Variants in ARSJ observed in about 807,000 individuals in gnomAD.
The protein encoded by ARSJ is arylsulfatase J.
ARSJ carries 26 observed loss-of-function variants against 35.9 expected under a neutral mutation model. The ratio of observed to expected loss-of-function variants is 0.72; its 90% CI spans 0.53 to 1.00. The LOEUF (loss-of-function observed/expected upper bound fraction) is 1.00. Among genes scored for constraint, ARSJ ranks in the 50% least tolerant of loss-of-function variants. ARSJ has a pLI of 0.00. For missense variants in ARSJ, 667 were observed against 723.6 expected (o/e 0.92, Z 0.90); for synonymous variants, 294 against 267.6 (o/e 1.10, Z -0.96).
chr4:113,902,472 C>A lies in ARSJ; in HGVS notation c.1602G>T (p.Arg534Ser), dbSNP rs780660276. 1 of 1,614,110 alleles carries A rather than the reference C, an allele frequency of 6.2e-7. No homozygotes were observed. The change falls in exon 2 of 2, where the codon AGG (arginine) becomes AGT (serine). Residue 534 changes from arginine (R) to serine (S), a missense_variant. Transcript: ENST00000315366. ...TACTTCTGGGGTCTTTGGGGGGATA[C>A]CTGACCGGCACTGCAGTTTTGTTGA... ...SQFNKTAVPV[R>S]YPPKDPRSNP...
intron 1 of ARSJ, among the ~76,000 whole-genome samples, chr4:113,929,769 A>C (rs1464857986): frequency 1.3e-5 from 2 of 152,076 alleles, no homozygotes; most frequent in African/African-American, 4.8e-5. Context: ...ATGGGACAGA[A>C]TCTCTTAGTT....
intron 1 of ARSJ, among the ~76,000 whole-genome samples, chr4:113,956,602 T>G (rs1216040524): frequency 3.9e-5 from 6 of 152,116 alleles, no homozygotes; most frequent in African/African-American, 1.4e-4. Context: ...GAAACTTGTC[T>G]GCAGGAATAA....
chr4:113,961,128 T>G (rs1460632939), intron 1 of ARSJ, among the ~76,000 whole-genome samples: 3 of 151,916 alleles, frequency 2.0e-5, no homozygotes, highest in Admixed American at 1.3e-4. Flanking sequence ...GCAGACACCA[T>G]GGAGAAGTGA....
In ARSJ at chr4:113,902,039, G is replaced by T; in HGVS notation, c.*235C>A. On this transcript the variant is annotated 3_prime_UTR_variant, in exon 2 of 2. Transcript: ENST00000315366. ...CACCACGTTTTCTAAAGGAGCAAGA[G>T]AAATAAACATCTCCACTCTCTCTAA... 3 of 1,319,150 alleles carry T rather than the reference G, an allele frequency of 2.3e-6. No individual in the cohort carries two copies. The highest frequency in any genetic ancestry group is 4.8e-5 in the Admixed American group (2 of 41,630). The allele number at this position is 1,319,150 out of a possible 1,614,324, so 81.7% of individuals were successfully genotyped here.
At chr4:113,910,979 T>C (rs752569591) in intron 1 of ARSJ, among the ~76,000 whole-genome samples, 3 of 152,122 alleles carry the variant, frequency 2.0e-5, no homozygotes, top group Admixed American at 6.6e-5. Flanking sequence ...TTCAGTGCAT[T>C]CAGGAGTATC....
At chr4:113,919,747 T>A (rs72893468) in intron 1 of ARSJ, among the ~76,000 whole-genome samples, 2,254 of 152,122 alleles carry the variant, frequency 0.015, 64 homozygotes, top group South Asian at 0.061. Flanking sequence ...TTTAGAAAAA[T>A]TAGTAATGCC....
intron 1 of ARSJ, among the ~76,000 whole-genome samples, chr4:113,954,187 G>T (rs1726031145): frequency 6.6e-6 from 1 of 151,942 alleles, no homozygotes; most frequent in African/African-American, 2.4e-5. Flanking sequence ...ATCTCAATGT[G>T]TTTAAACCTA....
chr4:113,971,611 C>T (rs1727254266), intron 1 of ARSJ, among the ~76,000 whole-genome samples: 1 of 152,186 alleles, frequency 6.6e-6, no homozygotes, highest in East Asian at 1.9e-4. Context: ...GTCAAAGCCA[C>T]CCTCTCCACT....
At chr4:113,974,766 C>T (rs1032787712) in intron 1 of ARSJ, among the ~76,000 whole-genome samples, 1 of 152,146 alleles carries the variant, frequency 6.6e-6, no homozygotes, top group Admixed American at 6.5e-5. Context: ...TGAGCAGTAT[C>T]TACCAAAACT....
chr4:113,919,198 T>A (rs1476982681), intron 1 of ARSJ, among the ~76,000 whole-genome samples: 1 of 152,144 alleles, frequency 6.6e-6, no homozygotes, highest in African/African-American at 2.4e-5. Context: ...GACCAAGGGC[T>A]CAGTTGCAGA....
At chr4:113,960,124 G>T (rs1726454078) in intron 1 of ARSJ, among the ~76,000 whole-genome samples, 1 of 151,950 alleles carries the variant, frequency 6.6e-6, no homozygotes, top group African/African-American at 2.4e-5. Flanking sequence ...ATGAGACATG[G>T]ATAAAATACA....
At chr4:113,976,829 A>G (rs1207058055) in intron 1 of ARSJ, among the ~76,000 whole-genome samples, 2 of 152,238 alleles carry the variant, frequency 1.3e-5, no homozygotes, top group Non-Finnish European at 2.9e-5. Context: ...ACCAAAGAGA[A>G]AAATTAGGAA....
At chr4:113,930,831 A>G (rs1169346240) in intron 1 of ARSJ, among the ~76,000 whole-genome samples, 2 of 150,582 alleles carry the variant, frequency 1.3e-5, no homozygotes, top group African/African-American at 4.9e-5. Flanking sequence ...TACACCATGG[A>G]ATACTATGCA....
At chr4:113,905,297 T>A (rs1178307062) in intron 1 of ARSJ, among the ~76,000 whole-genome samples, 4 of 152,166 alleles carry the variant, frequency 2.6e-5, no homozygotes, top group Non-Finnish European at 4.4e-5. Context: ...ACAAAAAAAA[T>A]ATTGAGGTCA....
At chr4:113,943,001 A>C (rs1725251715) in intron 1 of ARSJ, among the ~76,000 whole-genome samples, 1 of 151,992 alleles carries the variant, frequency 6.6e-6, no homozygotes, top group African/African-American at 2.4e-5. Flanking sequence ...GTAGATTTTG[A>C]ATCTCTTTGG....
chr4:113,954,704 A>G (rs1016704412), intron 1 of ARSJ, among the ~76,000 whole-genome samples: 2 of 152,106 alleles, frequency 1.3e-5, no homozygotes, highest in African/African-American at 4.8e-5. Context: ...AGGATAGATG[A>G]GCCCAGCTCA....
At chr4:113,911,714 T>G (rs2099670519) in intron 1 of ARSJ, among the ~76,000 whole-genome samples, 1 of 152,126 alleles carries the variant, frequency 6.6e-6, no homozygotes, top group Non-Finnish European at 1.5e-5. Flanking sequence ...AAGACAATGA[T>G]TCCTGCCCTG....
rs182281621 is a variant in ARSJ, at chr4:113,932,967, C to T, written c.399-29292G>A. On this transcript the variant is annotated intron_variant, in intron 1 of 1. Coordinates refer to ENST00000315366, the MANE Select transcript of ARSJ (RefSeq NM_024590.4). ...AGAATTGACAGACTTTTGAGCTAGACTAACTAAAAAGAAAACAGAGAAGAC... is the reference window on the plus strand; with the variant it reads ...AGAATTGACAGACTTTTGAGCTAGATTAACTAAAAAGAAAACAGAGAAGAC... Among the ~76,000 whole-genome samples the T allele has an allele frequency of 3.3e-4, 50 of 151,820 alleles. No homozygotes were observed. The East Asian group carries it at 8.3e-3, about 25-fold the overall frequency.
intron 1 of ARSJ, 101 bp downstream of exon 1, chr4:113,978,336 G>T (rs1305592770): frequency 1.8e-6 from 2 of 1,102,720 alleles, no homozygotes; most frequent in Non-Finnish European, 1.3e-6. Flanking sequence ...TCATTCAGTT[G>T]TTCCCCATAC....
Sources: allele counts gnomAD v4.1 joint callset (sites outside exome capture counted in the v4.1 genomes callset), GRCh38; gene constraint gnomAD v4.1.1; transcripts MANE v1.5; gene names NCBI Gene and HGNC (gene_info 2026-07-23, HGNC 2026-07-21).